Variants in EIF4E3 observed in about 807,000 individuals in gnomAD.
EIF4E3 encodes the protein eukaryotic translation initiation factor 4E type 3.
Under a neutral mutation model 31.7 loss-of-function variants are expected in EIF4E3, and 26 were observed. The ratio of observed to expected loss-of-function variants is 0.82; its 90% CI spans 0.60 to 1.14. The LOEUF (loss-of-function observed/expected upper bound fraction) is 1.14. Ranked by LOEUF, EIF4E3 falls within the 50% of genes most tolerant of loss-of-function variation. The pLI is 0.00. For synonymous variants in EIF4E3, 128 were observed against 107.7 expected, an observed-to-expected ratio of 1.19 and a Z score of -1.17; for missense variants, 304 against 270.9, an observed-to-expected ratio of 1.12 and a Z score of -0.86.
chr3:71,665,852 G>C, the EIF4E3 span, among the ~76,000 whole-genome samples: 1 of 152,122 alleles, frequency 6.6e-6, no homozygotes, highest in Non-Finnish European at 1.5e-5. Context: ...AATGACTACT[G>C]GGTAAATAAC....
intron 1 of EIF4E3, among the ~76,000 whole-genome samples, chr3:71,712,233 C>A (rs538725431): frequency 5.7e-4 from 87 of 152,256 alleles, no homozygotes; most frequent in African/African-American, 2.0e-3. Flanking sequence ...ATAACTATGT[C>A]AAAGAGTGTG....
intron 3 of EIF4E3, among the ~76,000 whole-genome samples, chr3:71,696,953 C>T (rs564397861): frequency 7.9e-5 from 12 of 151,934 alleles, no homozygotes; most frequent in African/African-American, 1.9e-4. Context: ...CTCCCCACCT[C>T]GTGATCCACC....
the EIF4E3 span, among the ~76,000 whole-genome samples, chr3:71,666,636 A>G: frequency 8.5e-5 from 13 of 152,158 alleles, no homozygotes; most frequent in African/African-American, 2.7e-4. Context: ...GCAGAGACAC[A>G]ACAAAAAAAG....
At position 71,684,590 on chromosome 3, in the gene EIF4E3, G is replaced by T. The variant is rs1578329781; in HGVS notation, c.*92C>A. ...AACCCACTCTAAATTGACCAGCATC[G>T]GCTTCGGCAAGTCTTCTCTTCACTC... is the stretch of plus-strand genomic sequence containing the variant. On this transcript the variant is annotated 3_prime_UTR_variant, in exon 7 of 7. Transcript: ENST00000425534. The T allele has an allele frequency of 1.3e-6, 2 of 1,506,090 alleles. No homozygotes were observed. The highest frequency in any genetic ancestry group is 1.2e-5 in the South Asian group (1 of 86,784). 93.3% of individuals were successfully genotyped at this position (1,506,090 alleles called of 1,614,324 possible).
intron 2 of EIF4E3, among the ~76,000 whole-genome samples, chr3:71,709,052 C>A (rs2049336804): frequency 6.6e-6 from 1 of 152,026 alleles, no homozygotes; most frequent in Admixed American, 6.5e-5. Flanking sequence ...ATTATGCATG[C>A]CACATTTTTT....
intron 1 of EIF4E3, among the ~76,000 whole-genome samples, chr3:71,745,744 A>G (rs981484956): frequency 9.8e-5 from 15 of 152,306 alleles, no homozygotes; most frequent in African/African-American, 3.6e-4. Flanking sequence ...TGTCAATGCA[A>G]AATTTAGGAT....
At position 71,749,978 on chromosome 3, in the gene EIF4E3, T is replaced by C. The variant is rs79227754; in HGVS notation, c.-291+3485A>G. 1.7e-3 allele frequency among the ~76,000 whole-genome samples: 257 copies of C among 152,350 alleles called. 3 individuals are homozygous for C. The highest frequency in any genetic ancestry group is 5.7e-3 in the African/African-American group (236 of 41,580). ...GTTGATAATGAAAGAAGTAGGCATA[T>C]AAATGCTGTGAGAGAACCATGATTT... On this transcript the variant is annotated intron_variant, in intron 1 of 7. Coordinates refer to the EIF4E3 transcript ENST00000295612.
chr3:71,684,861 A>AT, intron 6 of EIF4E3, 133 bp from the exon 7 acceptor site: 1 of 829,084 alleles, frequency 1.2e-6, no homozygotes, highest in Non-Finnish European at 1.8e-6. Flanking sequence ...TTATTTATTT[A>AT]TTTATTTTTT....
rs1335126965 is a variant in EIF4E3, at chr3:71,683,857, A to G, written c.*825T>C. On this transcript the variant is annotated 3_prime_UTR_variant, in exon 7 of 7. Coordinates refer to ENST00000425534, the MANE Select transcript of EIF4E3 (RefSeq NM_001134651.2). ...AATTAAAATATCACCTTCTCTTTAA[A>G]TCAGAAACATCAGGTTTCCTATTGG... is the stretch of plus-strand genomic sequence containing the variant. 1 of 152,210 alleles carries G rather than the reference A, an allele frequency of 6.6e-6. No individual in the cohort carries two copies. The highest frequency in any genetic ancestry group is 1.5e-5 in the Non-Finnish European group (1 of 68,042). The allele number at this position is 152,210 out of a possible 1,614,324, so 9.4% of individuals were successfully genotyped here.
At position 71,677,585 on chromosome 3, in the gene EIF4E3, A is replaced by G. The variant is rs1177683240; in HGVS notation, c.*7097T>C. The stretch of plus-strand genomic sequence containing the variant: ...GTAATCAGATGCAAATATGAGAGGG[A>G]AACATTATGAAATTTTAAAGCCTTC... On this transcript the variant is annotated 3_prime_UTR_variant, in exon 7 of 7. Transcript: ENST00000425534. 1 of 152,202 alleles carries G rather than the reference A, an allele frequency of 6.6e-6. No homozygotes were observed. Among genetic ancestry groups the G allele is most frequent in the Non-Finnish European group, 1.5e-5 (1 of 68,026 alleles). 9.4% of individuals were successfully genotyped at this position (152,202 alleles called of 1,614,324 possible).
Position 71,725,356 on chromosome 3 carries a change from G to C in EIF4E3, c.12C>G (p.Pro4=). 1.0e-6 allele frequency: 1 copy of C among 977,432 alleles called. No homozygotes were observed. The highest frequency in any genetic ancestry group is 1.2e-6 in the Non-Finnish European group (1 of 825,438). 60.5% of individuals were successfully genotyped at this position (977,432 alleles called of 1,614,324 possible). A position where few individuals can be genotyped will look rare whatever the true frequency, so the allele number is the denominator to read the frequency against. Residue 4 remains proline, a synonymous_variant, in exon 1 of 7, where the codon CCC becomes CCG. Transcript: ENST00000425534. The surrounding 1 kb of genome is among the most constrained non-coding windows in gnomAD (Gnocchi z 6.1). MAL[P]PAAAPPAGAR... ...CCCCGGCGGGGGGCGCGGCGGCCGG[G>C]GGCAGCGCCATTTTCTCCGCCCCGC...
intron 1 of EIF4E3, among the ~76,000 whole-genome samples, chr3:71,718,424 T>C (rs1318090451): frequency 6.6e-6 from 1 of 152,254 alleles, no homozygotes; most frequent in Non-Finnish European, 1.5e-5. Context: ...TCTCCCTGCC[T>C]TCCTATGGTC....
At chr3:71,689,880 T>G in intron 6 of EIF4E3, 130 bp downstream of exon 6, 1 of 920,734 alleles carries the variant, frequency 1.1e-6, no homozygotes, top group Non-Finnish European at 1.5e-6. Flanking sequence ...TTAAATGTAT[T>G]TTGTTGAATT....
chr3:71,688,697 C>G (rs1323705985), intron 6 of EIF4E3, among the ~76,000 whole-genome samples: 1 of 152,116 alleles, frequency 6.6e-6, no homozygotes, highest in Non-Finnish European at 1.5e-5. Context: ...AAAGAAAAAA[C>G]CCTTGATGAC....
chr3:71,679,576 C>T lies in EIF4E3; in HGVS notation c.*5106G>A, dbSNP rs1361134854. The stretch of plus-strand genomic sequence containing the variant: ...ATATTCTAATAAGGTACACTCAAGA[C>T]ACACATATACAATGGAACTCTGAAT... On this transcript the variant is annotated 3_prime_UTR_variant, in exon 7 of 7. Transcript: ENST00000425534. The T allele has an allele frequency of 6.6e-6, 1 of 152,150 alleles. No homozygotes were observed. The highest frequency in any genetic ancestry group is 6.5e-5 in the Admixed American group (1 of 15,268). The allele number at this position is 152,150 out of a possible 1,614,324, so 9.4% of individuals were successfully genotyped here. A position where few individuals can be genotyped will look rare whatever the true frequency, so the allele number is the denominator to read the frequency against.
chr3:71,664,017 G>A, the EIF4E3 span, among the ~76,000 whole-genome samples: 3 of 152,184 alleles, frequency 2.0e-5, no homozygotes, highest in African/African-American at 7.2e-5. Context: ...GGCAGCCTGG[G>A]AAGGTCCCTC....
At chr3:71,691,411 C>G (rs1004900897) in intron 5 of EIF4E3, among the ~76,000 whole-genome samples, 4 of 152,168 alleles carry the variant, frequency 2.6e-5, no homozygotes, top group African/African-American at 9.7e-5. Flanking sequence ...TCTTTCTCCC[C>G]CTCTTCCTTC....
upstream of EIF4E3, among the ~76,000 whole-genome samples, chr3:71,726,266 G>C (rs2049637501): frequency 2.6e-5 from 4 of 152,164 alleles, no homozygotes; most frequent in Admixed American, 2.6e-4. Flanking sequence ...CTAAAGCACC[G>C]GCGAGTCGGG....
intron 1 of EIF4E3, among the ~76,000 whole-genome samples, chr3:71,720,093 T>C (rs1466183434): frequency 6.6e-6 from 1 of 151,830 alleles, no homozygotes; most frequent in Non-Finnish European, 1.5e-5. Flanking sequence ...TATACCATAA[T>C]CTCTAAGTCC....
Sources: allele counts gnomAD v4.1 joint callset (sites outside exome capture counted in the v4.1 genomes callset), GRCh38; gene constraint gnomAD v4.1.1; non-coding constraint Gnocchi (gnomAD v3.1); transcripts MANE v1.5; gene names NCBI Gene and HGNC (gene_info 2026-07-23, HGNC 2026-07-21).